NFASC: variants seen among roughly 807,000 people sequenced by gnomAD.
NFASC encodes the protein neurofascin.
In NFASC, 43 loss-of-function variants were observed where a neutral mutation model predicts 147.5. That is an observed-to-expected ratio of 0.29 (90% CI 0.23 to 0.38). The LOEUF (loss-of-function observed/expected upper bound fraction) is 0.38. NFASC is among the 10% of genes least tolerant of loss of function. The pLI is 1.00. For synonymous variants in NFASC, 622 were observed against 665.5 expected (o/e 0.93, Z 1.01); for missense variants, 1,320 against 1,689.0 (o/e 0.78, Z 3.83).
chr1:204,863,511 C>A (rs914246118), intron 1 of NFASC, among the ~76,000 whole-genome samples: 3 of 152,084 alleles, frequency 2.0e-5, no homozygotes. Flanking sequence ...TGTTGTGTAA[C>A]CATCACTACT....
intron 3 of NFASC, chr1:204,946,497 C>T: frequency 2.4e-6 from 1 of 410,184 alleles, no homozygotes; most frequent in Non-Finnish European, 5.0e-6. Context: ...ACACATGGCA[C>T]CTCCCCGGTT....
chr1:204,913,141 A>T (rs920907447), intron 1 of NFASC, among the ~76,000 whole-genome samples: 1 of 121,008 alleles, frequency 8.3e-6, no homozygotes, highest in African/African-American at 2.8e-5. Context: ...ATGCATAGTA[A>T]TAAACATAAA....
chr1:204,991,975 C>T (rs1163251190), intron 24 of NFASC, among the ~76,000 whole-genome samples: 1 of 152,214 alleles, frequency 6.6e-6, no homozygotes, highest in East Asian at 1.9e-4. Flanking sequence ...GAACAGTCTC[C>T]ACTCTCGGGG....
rs374648858 is a variant in NFASC, at chr1:205,016,431, C to T, written c.3615C>T (p.Asp1205=). 1.3e-4 allele frequency: 206 copies of T among 1,613,760 alleles called. No homozygotes were observed. Among genetic ancestry groups the T allele is most frequent in the Non-Finnish European group, 1.6e-4 (186 of 1,179,810 alleles). The change falls in exon 30 of 30, where the codon GAC becomes GAT. Residue 1205 remains aspartate (D), a synonymous_variant. Coordinates refer to ENST00000339876, the MANE Select transcript of NFASC (RefSeq NM_001005388.3). The surrounding 1 kb of genome is among the most constrained non-coding windows in gnomAD (Gnocchi z 5.1). Reference sequence around the variant, plus strand: ...GTGGCGAGGGTCAGTTCAATGAAGACGGCTCCTTCATCGGCCAGTACACGG... The same window carrying T: ...GTGGCGAGGGTCAGTTCAATGAAGATGGCTCCTTCATCGGCCAGTACACGG... ...GEGGEGQFNE[D]GSFIGQYTVK...
In NFASC at chr1:204,973,278, G is replaced by A; in HGVS notation, c.1138G>A (p.Ala380Thr). The change falls in exon 12 of 30, where the codon GCA becomes ACA. Residue 380 changes from alanine to threonine, a missense_variant and splice_region_variant. By Grantham distance (58) the Ala-to-Thr change is moderately conservative (BLOSUM62 0). Around this residue, in one of 3 missense-constraint regions of NFASC, gnomAD observed 981 missense variants for 1,289.5 expected, o/e 0.76. Transcript: ENST00000339876. ...WMVNGEPLQS[A>T]PPNPNREVAG... ...GAGCGTCTCTTTCTTGTCTGTAGCG[G>A]CACCACCTAACCCAAACCGTGAGGT... The A allele has an allele frequency of 6.2e-7, 1 of 1,614,030 alleles. No individual in the cohort carries two copies. The highest frequency in any genetic ancestry group is 8.5e-7 in the Non-Finnish European group (1 of 1,180,000).
intron 25 of NFASC, chr1:205,000,189 G>A (rs11240332): frequency 0.22 from 34,212 of 152,136 alleles, 4,043 homozygotes; most frequent in South Asian, 0.29. Flanking sequence ...TTCTTCTGGT[G>A]TCTGGACCAC....
At chr1:204,957,114 T>C (rs1379250470) in intron 7 of NFASC, among the ~76,000 whole-genome samples, 1 of 152,226 alleles carries the variant, frequency 6.6e-6, no homozygotes, top group Non-Finnish European at 1.5e-5. Context: ...AAGGTATACA[T>C]TATAATTGAT....
At chr1:204,971,864 G>A (rs2095267987) in intron 11 of NFASC, among the ~76,000 whole-genome samples, 1 of 152,168 alleles carries the variant, frequency 6.6e-6, no homozygotes, top group Admixed American at 6.5e-5. Context: ...GGACTTTGGG[G>A]GTAAGCTAGG....
intron 2 of NFASC, among the ~76,000 whole-genome samples, chr1:204,925,720 G>A (rs1308593021): frequency 1.3e-5 from 2 of 152,110 alleles, no homozygotes; most frequent in African/African-American, 4.8e-5. Context: ...TTTTCAAATG[G>A]CTTTAGGACT....
At chr1:204,921,360 T>TA (rs2090443440) in intron 2 of NFASC, among the ~76,000 whole-genome samples, 1 of 152,198 alleles carries the variant, frequency 6.6e-6, no homozygotes, top group South Asian at 2.1e-4. Flanking sequence ...AACAGAGCAG[T>TA]AACGGGCAGT....
At chr1:204,847,143 A>C (rs926778131) in intron 1 of NFASC, among the ~76,000 whole-genome samples, 1 of 152,096 alleles carries the variant, frequency 6.6e-6, no homozygotes, top group South Asian at 2.1e-4. Context: ...ATGGGTGGTC[A>C]TGGGGTCTAA....
intron 1 of NFASC, among the ~76,000 whole-genome samples, chr1:204,886,580 C>T (rs2081353535): frequency 6.6e-6 from 1 of 152,138 alleles, no homozygotes. Flanking sequence ...CTGGGAGGGG[C>T]CCAATAATTT....
At chr1:205,012,666 G>A (rs2096274440) in intron 28 of NFASC, 131 bp from the exon 29 acceptor site, 3 of 742,082 alleles carry the variant, frequency 4.0e-6, no homozygotes, top group African/African-American at 1.7e-5. Flanking sequence ...GGCGTGGATG[G>A]TGCCTTGTTA....
At chr1:204,900,058 T>C (rs1395430801) in intron 1 of NFASC, among the ~76,000 whole-genome samples, 1 of 152,220 alleles carries the variant, frequency 6.6e-6, no homozygotes, top group African/African-American at 2.4e-5. Context: ...ACCAGTGTTA[T>C]TGTTGAGGTG....
chr1:204,967,429 C>G (rs1266609973), intron 8 of NFASC, among the ~76,000 whole-genome samples: 1 of 152,158 alleles, frequency 6.6e-6, no homozygotes, highest in Non-Finnish European at 1.5e-5. Flanking sequence ...AAACAGCCAT[C>G]CTGAAAATGC....
intron 1 of NFASC, among the ~76,000 whole-genome samples, chr1:204,869,463 C>G (rs977813261): frequency 6.6e-6 from 1 of 152,182 alleles, no homozygotes; most frequent in Admixed American, 6.5e-5. Context: ...GTTTTTTACT[C>G]AATCTTCCAT....
intron 21 of NFASC, among the ~76,000 whole-genome samples, chr1:204,984,838 C>T (rs16854877): frequency 0.01 from 1,557 of 152,200 alleles, 23 homozygotes; most frequent in African/African-American, 0.036. Context: ...ACACGGCGCT[C>T]CCTTCTGAGT....
chr1:204,956,407 C>T (rs1381148427), intron 7 of NFASC, among the ~76,000 whole-genome samples: 6 of 152,176 alleles, frequency 3.9e-5, no homozygotes, highest in Non-Finnish European at 8.8e-5. Flanking sequence ...ACTATGTACT[C>T]TTAGCCTTTA....
At chr1:204,860,484 A>G (rs1226135009) in intron 1 of NFASC, among the ~76,000 whole-genome samples, 1 of 152,184 alleles carries the variant, frequency 6.6e-6, no homozygotes, top group Non-Finnish European at 1.5e-5. Context: ...TGCCAACCAG[A>G]GCCATCAGCT....
Sources: allele counts gnomAD v4.1 joint callset (sites outside exome capture counted in the v4.1 genomes callset), GRCh38; gene constraint gnomAD v4.1.1; regional missense constraint gnomAD v4.1.1; non-coding constraint Gnocchi (gnomAD v3.1); transcripts MANE v1.5; gene names NCBI Gene and HGNC (gene_info 2026-07-23, HGNC 2026-07-21).